The following SNX29 variants were observed in gnomAD, a reference collection of about 807,000 sequenced individuals.
SNX29 encodes the protein sorting nexin-29.
Under a neutral mutation model 102.1 loss-of-function variants are expected in SNX29, and 78 were observed. The observed-to-expected ratio is 0.76, with a 90% confidence interval of 0.64 to 0.92. The LOEUF (loss-of-function observed/expected upper bound fraction) is 0.92, where lower values mean the gene tolerates loss of function less well. Ranked by LOEUF, SNX29 falls within the 40% of genes least tolerant of loss-of-function variation. The probability of loss-of-function intolerance (pLI) is 0.00; values close to 1 mark genes in which losing one functional copy is unlikely to be tolerated. For synonymous variants in SNX29, 580 were observed against 414.5 expected, an observed-to-expected ratio of 1.40 and a Z score of -4.85; for missense variants, 1,280 against 1,061.7, an observed-to-expected ratio of 1.21 and a Z score of -2.86.
chr16:12,419,092 A>G (rs909149104), intron 18 of SNX29, among the ~76,000 whole-genome samples: 7 of 152,082 alleles, frequency 4.6e-5, no homozygotes, highest in Non-Finnish European at 5.9e-5. Flanking sequence ...AAATGTCTAC[A>G]GCGCCACCGT....
intron 1 of SNX29, among the ~76,000 whole-genome samples, chr16:11,989,006 T>G (rs2055740641): frequency 6.6e-6 from 1 of 151,964 alleles, no homozygotes; most frequent in Admixed American, 6.6e-5. Flanking sequence ...GGAGTCACAC[T>G]CTGTCGCCCA....
intron 20 of SNX29, among the ~76,000 whole-genome samples, chr16:12,537,207 G>C (rs919926849): frequency 3.9e-5 from 6 of 152,184 alleles, no homozygotes; most frequent in Admixed American, 3.3e-4. Context: ...AAATTGCTGA[G>C]CTTAGAGACC....
chr16:12,206,479 A>G (rs966503478), intron 14 of SNX29, among the ~76,000 whole-genome samples: 1 of 151,964 alleles, frequency 6.6e-6, no homozygotes, highest in Admixed American at 6.6e-5. Flanking sequence ...GACTCTGCCA[A>G]CACGATGTCA....
chr16:12,397,646 T>C (rs2083768613), intron 16 of SNX29, among the ~76,000 whole-genome samples: 1 of 152,194 alleles, frequency 6.6e-6, no homozygotes, highest in African/African-American at 2.4e-5. Context: ...AAAAAGAAGC[T>C]CATTCCCTGG....
At chr16:12,232,562 T>G (rs992739908) in intron 14 of SNX29, among the ~76,000 whole-genome samples, 3 of 152,178 alleles carry the variant, frequency 2.0e-5, no homozygotes, top group African/African-American at 7.2e-5. Flanking sequence ...TTTGTTTGCT[T>G]TGGTAAACAA....
At chr16:12,048,684 A>G (rs1223870667) in intron 7 of SNX29, 64 bp downstream of exon 7, 20 of 1,613,162 alleles carry the variant, frequency 1.2e-5, no homozygotes, top group African/African-American at 2.7e-5. Flanking sequence ...TGGGGTGGAC[A>G]TATCTTGTCA....
chr16:12,391,142 C>T (rs1178321242), intron 16 of SNX29, among the ~76,000 whole-genome samples: 1 of 152,066 alleles, frequency 6.6e-6, no homozygotes, highest in Non-Finnish European at 1.5e-5. Flanking sequence ...GATGGGGTCT[C>T]CCTGTGTTGC....
intron 15 of SNX29, among the ~76,000 whole-genome samples, chr16:12,292,971 G>C (rs756686287): frequency 1.3e-5 from 2 of 152,196 alleles, no homozygotes; most frequent in African/African-American, 2.4e-5. Flanking sequence ...ATTTTCACCA[G>C]AGTAGTTCAC....
At chr16:12,531,905 C>T (rs947030669) in intron 20 of SNX29, among the ~76,000 whole-genome samples, 9 of 152,166 alleles carry the variant, frequency 5.9e-5, no homozygotes, top group Admixed American at 2.0e-4. Context: ...TCCCCTCTCA[C>T]GTCACAAGAA....
At chr16:12,421,468 T>C (rs1213057820) in intron 18 of SNX29, among the ~76,000 whole-genome samples, 3 of 152,202 alleles carry the variant, frequency 2.0e-5, no homozygotes, top group Admixed American at 6.5e-5. Flanking sequence ...ACAGTGGAAA[T>C]ATTCCTAGAT....
At chr16:12,535,922 G>C (rs984392457) in intron 20 of SNX29, among the ~76,000 whole-genome samples, 5 of 152,204 alleles carry the variant, frequency 3.3e-5, no homozygotes, top group South Asian at 2.1e-4. Flanking sequence ...GAAAGGGCTA[G>C]AAAATGGGGC....
chr16:12,193,290 C>G (rs1192329257), intron 13 of SNX29, among the ~76,000 whole-genome samples: 1 of 151,864 alleles, frequency 6.6e-6, no homozygotes, highest in African/African-American at 2.4e-5. Flanking sequence ...ACCAACATGG[C>G]AAAACCCCGT....
At chr16:12,199,124 A>G (rs1596486260) in intron 13 of SNX29, among the ~76,000 whole-genome samples, 1 of 152,324 alleles carries the variant, frequency 6.6e-6, no homozygotes, top group Non-Finnish European at 1.5e-5. Flanking sequence ...GAAGGATTCA[A>G]GGAGATTCTA....
At chr16:12,547,203 C>G (rs180825614) in intron 20 of SNX29, among the ~76,000 whole-genome samples, 2 of 152,282 alleles carry the variant, frequency 1.3e-5, no homozygotes, top group East Asian at 1.9e-4. Context: ...TAGTTTGACC[C>G]GAAGTGGAGA....
At chr16:12,348,989 A>G (rs1259922978) in intron 15 of SNX29, among the ~76,000 whole-genome samples, 1 of 152,192 alleles carries the variant, frequency 6.6e-6, no homozygotes, top group East Asian at 1.9e-4. Context: ...CTTAGTTTAC[A>G]GAACACTTCC....
intron 18 of SNX29, among the ~76,000 whole-genome samples, chr16:12,475,048 GCATA>G (rs1217120385): frequency 6.6e-6 from 1 of 152,216 alleles, no homozygotes; most frequent in African/African-American, 2.4e-5. Context: ...TGTGATCCTG[GCATA>G]GCTGCGCTAT....
At chr16:12,087,169 T>C (rs1596827526) in intron 11 of SNX29, 1 of 152,814 alleles carries the variant, frequency 6.5e-6, no homozygotes, top group Admixed American at 6.5e-5. Flanking sequence ...CTGAGGTGGG[T>C]AGATCACCTG....
chr16:12,449,026 G>A (rs112075752), intron 18 of SNX29, among the ~76,000 whole-genome samples: 4 of 152,216 alleles, frequency 2.6e-5, no homozygotes, highest in African/African-American at 4.8e-5. Flanking sequence ...TAGTTTCAAC[G>A]TACATGTACT....
At chr16:12,181,281 C>G (rs145336483) in intron 13 of SNX29, among the ~76,000 whole-genome samples, 31 of 152,294 alleles carry the variant, frequency 2.0e-4, no homozygotes, top group Middle Eastern at 3.4e-3. Flanking sequence ...AGGACATGTG[C>G]CCAAGGTGGT....
Sources: gnomAD v4.1 joint callset for allele counts (sites outside exome capture counted in the v4.1 genomes callset) on GRCh38, gnomAD v4.1.1 for gene constraint, MANE v1.5 for transcripts, NCBI Gene and HGNC (gene_info 2026-07-23, HGNC 2026-07-21) for gene names.